The following PTGER3 variants were observed in gnomAD, a reference collection of about 807,000 sequenced individuals.
PTGER3 encodes prostaglandin E receptor 3.
PTGER3 carries 22 observed loss-of-function variants against 34.7 expected under a neutral mutation model. The observed-to-expected ratio is 0.63, with a 90% CI of 0.45 to 0.91. The LOEUF is 0.91. Among genes scored for constraint, PTGER3 ranks in the 40% least tolerant of loss-of-function variants. The pLI is 0.00. For synonymous variants in PTGER3, 241 were observed against 230.1 expected (o/e 1.05, Z -0.43); for missense variants, 468 against 519.4 (o/e 0.90, Z 0.96).
chr1:70,971,241 T>C lies in PTGER3; in HGVS notation c.*489A>G. Reference sequence around the variant, plus strand: ...TTGTCACGATTCCCTCCTGCCCTCATTTGCTTTTATATGTCGTTAAGTTCA... The same window carrying C: ...TTGTCACGATTCCCTCCTGCCCTCACTTGCTTTTATATGTCGTTAAGTTCA... On this transcript the variant is annotated 3_prime_UTR_variant, in exon 4 of 4. Transcript: ENST00000306666. The C allele has an allele frequency of 1.0e-6, 1 of 985,552 alleles. No individual in the cohort carries two copies. The highest frequency in any genetic ancestry group is 1.2e-6 in the Non-Finnish European group (1 of 830,008). 61.1% of individuals were successfully genotyped at this position (985,552 alleles called of 1,614,324 possible).
intron 1 of PTGER3, among the ~76,000 whole-genome samples, chr1:71,046,284 T>G: frequency 6.3e-5 from 1 of 15,892 alleles, no homozygotes; most frequent in Non-Finnish European, 1.2e-4. Flanking sequence ...AGACTCCGTC[T>G]CAAAAAAAAA....
intron 4 of PTGER3, among the ~76,000 whole-genome samples, chr1:70,911,424 G>T (rs955762490): frequency 6.6e-6 from 1 of 152,088 alleles, no homozygotes; most frequent in Non-Finnish European, 1.5e-5. Context: ...TTTTCTTAAA[G>T]AAATGTTTTC....
chr1:70,935,363 C>T (rs1413607344), intron 4 of PTGER3, among the ~76,000 whole-genome samples: 8 of 151,940 alleles, frequency 5.3e-5, no homozygotes, highest in Non-Finnish European at 1.2e-4. Flanking sequence ...TTCCTTCTGC[C>T]TACTCTTTCT....
At chr1:70,997,833 A>G (rs1357072900) in intron 2 of PTGER3, among the ~76,000 whole-genome samples, 3 of 152,238 alleles carry the variant, frequency 2.0e-5, no homozygotes, top group Non-Finnish European at 4.4e-5. Context: ...CCAATATTGT[A>G]GCCATAGTAT....
intron 4 of PTGER3, among the ~76,000 whole-genome samples, chr1:70,863,183 C>A (rs1327907733): frequency 4.0e-5 from 6 of 151,860 alleles, no homozygotes; most frequent in African/African-American, 1.5e-4. Flanking sequence ...TCAGTCTCAG[C>A]TGGAACAAAT....
intron 1 of PTGER3, among the ~76,000 whole-genome samples, chr1:71,045,845 G>C (rs138518638): frequency 6.6e-6 from 1 of 152,042 alleles, no homozygotes; most frequent in African/African-American, 2.4e-5. Flanking sequence ...AGGCTGAGGA[G>C]GCAACTCGTA....
intron 1 of PTGER3, among the ~76,000 whole-genome samples, chr1:71,045,827 A>G (rs1433184690): frequency 6.6e-6 from 1 of 151,980 alleles, no homozygotes; most frequent in Non-Finnish European, 1.5e-5. Context: ...GTCAAGCACC[A>G]TGGCGAAAGG....
At chr1:71,014,454 T>C (rs942842029) in intron 1 of PTGER3, among the ~76,000 whole-genome samples, 5 of 152,338 alleles carry the variant, frequency 3.3e-5, no homozygotes, top group South Asian at 2.1e-4. Context: ...AGATGGTACA[T>C]GTACGGACTG....
chr1:70,869,567 C>G (rs924571732), intron 4 of PTGER3, among the ~76,000 whole-genome samples: 2 of 151,934 alleles, frequency 1.3e-5, no homozygotes, highest in Non-Finnish European at 2.9e-5. Flanking sequence ...CCTGTAAAGT[C>G]AAAATAATTT....
intron 2 of PTGER3, among the ~76,000 whole-genome samples, chr1:70,978,694 T>C (rs1238738726): frequency 1.3e-5 from 2 of 152,132 alleles, no homozygotes; most frequent in Non-Finnish European, 2.9e-5. Flanking sequence ...AGGATGGTGA[T>C]ATTCACCATC....
chr1:70,957,374 TATAA>T (rs766598079), intron 2 of PTGER3, among the ~76,000 whole-genome samples: 68 of 152,152 alleles, frequency 4.5e-4, no homozygotes, highest in Non-Finnish European at 8.7e-4. Flanking sequence ...TCCTCTCCAA[TATAA>T]ATAGAGCAAT....
chr1:71,026,648 T>G (rs778753235), intron 1 of PTGER3, among the ~76,000 whole-genome samples: 1 of 150,928 alleles, frequency 6.6e-6, no homozygotes, highest in Non-Finnish European at 1.5e-5. Flanking sequence ...TTATTACTAA[T>G]ATTATATTAT....
chr1:70,925,041 G>A (rs1161551164), intron 4 of PTGER3, among the ~76,000 whole-genome samples: 2 of 152,148 alleles, frequency 1.3e-5, no homozygotes, highest in Non-Finnish European at 2.9e-5. Flanking sequence ...TATTGTTTCT[G>A]TCACCCAGTC....
chr1:70,939,723 G>T (rs976604542), intron 4 of PTGER3, among the ~76,000 whole-genome samples: 2 of 152,202 alleles, frequency 1.3e-5, no homozygotes, highest in African/African-American at 4.8e-5. Flanking sequence ...TCCATAGCTG[G>T]AGTGGCTGGG....
At chr1:70,869,233 AACTC>A (rs749610396) in intron 4 of PTGER3, 7 of 468,388 alleles carry the variant, frequency 1.5e-5, no homozygotes, top group Non-Finnish European at 3.1e-5. Context: ...ATTTTGCAAG[AACTC>A]ACTCACTATC....
At chr1:71,025,296 T>C (rs1345863180) in intron 1 of PTGER3, among the ~76,000 whole-genome samples, 1 of 152,008 alleles carries the variant, frequency 6.6e-6, no homozygotes, top group East Asian at 1.9e-4. Flanking sequence ...CGTTCTGGTG[T>C]TCAGATGACA....
intron 4 of PTGER3, among the ~76,000 whole-genome samples, chr1:70,893,636 A>G (rs566247173): frequency 1.5e-5 from 2 of 136,886 alleles, no homozygotes; most frequent in African/African-American, 5.2e-5. Context: ...AATGCCTTTT[A>G]CATGAGTAAG....
chr1:70,915,857 A>T (rs946100335), intron 4 of PTGER3, among the ~76,000 whole-genome samples: 1 of 151,916 alleles, frequency 6.6e-6, no homozygotes, highest in African/African-American at 2.4e-5. Flanking sequence ...AATCCCCAGA[A>T]GCAATTGCAA....
intron 4 of PTGER3, among the ~76,000 whole-genome samples, chr1:70,898,467 C>G (rs550119621): frequency 6.6e-6 from 1 of 152,160 alleles, no homozygotes; most frequent in Non-Finnish European, 1.5e-5. Flanking sequence ...CATCTCCTCT[C>G]GAATGCCTTC....
Sources: gnomAD v4.1 joint callset for allele counts (sites outside exome capture counted in the v4.1 genomes callset) on GRCh38, gnomAD v4.1.1 for gene constraint, MANE v1.5 for transcripts, NCBI Gene and HGNC (gene_info 2026-07-23, HGNC 2026-07-21) for gene names.